The following TRAK1 variants were observed in gnomAD, a reference collection of about 807,000 sequenced individuals.
TRAK1 encodes trafficking kinesin protein 1, also known as trafficking kinesin-binding protein 1.
A neutral mutation model predicts 92.1 loss-of-function variants in TRAK1; 33 were observed. The observed-to-expected ratio is 0.36, with a 90% CI of 0.27 to 0.48. The LOEUF (loss-of-function observed/expected upper bound fraction) is 0.48. Among genes scored for constraint, TRAK1 ranks in the 20% least tolerant of loss-of-function variants. The pLI, the probability that TRAK1 is intolerant of heterozygous loss-of-function variation, is 0.99. For missense variants in TRAK1, 1,123 were observed against 1,257.9 expected (o/e 0.89, Z 1.62); for synonymous variants, 521 against 517.3 (o/e 1.01, Z -0.10).
intron 1 of TRAK1, among the ~76,000 whole-genome samples, chr3:42,071,420 A>G (rs760722506): frequency 2.4e-4 from 37 of 151,700 alleles, no homozygotes; most frequent in Admixed American, 1.1e-3. Context: ...ATAGATACCC[A>G]CTCTTGGTAG....
rs1282135962 is a variant in TRAK1 at position 42,184,777 on chromosome 3, G to A, written c.456G>A (p.Glu152=). The A allele has an allele frequency of 6.2e-7, 1 of 1,613,978 alleles. No individual in the cohort carries two copies. The highest frequency in any genetic ancestry group is 1.1e-5 in the South Asian group (1 of 91,060). Residue 152 remains glutamate, a synonymous_variant, in exon 4 of 16, where the codon GAG becomes GAA. Transcript: ENST00000327628. ...TLTERNELLE[E]QVEHIREEVS... Reference sequence around the variant, plus strand: ...CCGAGAGGAACGAGCTGCTGGAGGAGCAGGTGGAACACATCAGGGAGGAGG... The same window carrying A: ...CCGAGAGGAACGAGCTGCTGGAGGAACAGGTGGAACACATCAGGGAGGAGG...
At chr3:42,210,285 C>T in intron 14 of TRAK1, 1 of 1,516,014 alleles carries the variant, frequency 6.6e-7, no homozygotes, top group Non-Finnish European at 8.8e-7. Context: ...TTGCACAGTT[C>T]TGTTTTTAAA....
At chr3:42,057,011 A>G (rs1032361949) in intron 1 of TRAK1, among the ~76,000 whole-genome samples, 3 of 152,328 alleles carry the variant, frequency 2.0e-5, no homozygotes, top group East Asian at 1.9e-4. Flanking sequence ...CACAGCTGCC[A>G]TGAATAGAAC....
chr3:42,120,602 G>C (rs1709720362), intron 1 of TRAK1, among the ~76,000 whole-genome samples: 1 of 152,034 alleles, frequency 6.6e-6, no homozygotes, highest in Admixed American at 6.5e-5. Flanking sequence ...GAGTGCAGTG[G>C]TGTGATCTCA....
At chr3:42,164,937 T>A (rs1327380951) in intron 2 of TRAK1, among the ~76,000 whole-genome samples, 1 of 152,218 alleles carries the variant, frequency 6.6e-6, no homozygotes, top group African/African-American at 2.4e-5. Context: ...GTCACTTCCT[T>A]GTGGCCTATT....
intron 1 of TRAK1, among the ~76,000 whole-genome samples, chr3:42,069,612 C>G (rs1012065486): frequency 6.6e-6 from 1 of 152,124 alleles, no homozygotes; most frequent in Non-Finnish European, 1.5e-5. Context: ...AATTTTCCCA[C>G]TTAATCTATC....
At chr3:42,174,136 C>T (rs896084822) in intron 2 of TRAK1, among the ~76,000 whole-genome samples, 18 of 152,186 alleles carry the variant, frequency 1.2e-4, no homozygotes, top group African/African-American at 4.3e-4. Context: ...AAGCAATTCT[C>T]CTGCCTCAGC....
intron 1 of TRAK1, among the ~76,000 whole-genome samples, chr3:42,124,493 G>A (rs549806580): frequency 1.3e-5 from 2 of 152,328 alleles, no homozygotes; most frequent in South Asian, 4.1e-4. Flanking sequence ...GGTTATGTTT[G>A]CCATGTTGTC....
intron 14 of TRAK1, among the ~76,000 whole-genome samples, chr3:42,214,303 GCT>G (rs1163873396): frequency 6.6e-6 from 1 of 152,206 alleles, no homozygotes; most frequent in Non-Finnish European, 1.5e-5. Context: ...CAGGTGAAGT[GCT>G]CTCTTGTGCT....
chr3:42,148,914 C>G (rs767384458), intron 2 of TRAK1, among the ~76,000 whole-genome samples: 3 of 152,122 alleles, frequency 2.0e-5, no homozygotes, highest in African/African-American at 7.2e-5. Flanking sequence ...AGTCTTCTTT[C>G]TATCGTGACC....
chr3:42,164,031 G>A (rs1701588094), intron 2 of TRAK1, among the ~76,000 whole-genome samples: 1 of 152,200 alleles, frequency 6.6e-6, no homozygotes, highest in South Asian at 2.1e-4. Context: ...CAGAAAGATA[G>A]CAACTTAGAA....
intron 1 of TRAK1, among the ~76,000 whole-genome samples, chr3:42,073,721 T>G (rs895242549): frequency 6.6e-6 from 1 of 152,224 alleles, no homozygotes; most frequent in Admixed American, 6.5e-5. Context: ...CCTGTTCAAC[T>G]TTTACATGAT....
chr3:42,154,631 A>G (rs565352790), intron 2 of TRAK1, among the ~76,000 whole-genome samples: 3 of 151,908 alleles, frequency 2.0e-5, no homozygotes, highest in South Asian at 2.1e-4. Flanking sequence ...GGGTCTCACT[A>G]TGTTGCCCAA....
At chr3:42,090,390 C>T (rs769918246), upstream of TRAK1, among the ~76,000 whole-genome samples, 7 of 152,132 alleles carry the variant, frequency 4.6e-5, no homozygotes, top group Admixed American at 1.3e-4. Flanking sequence ...CAGAATGTAC[C>T]GCTGAAACTT....
intron 2 of TRAK1, chr3:42,149,691 G>A: frequency 6.7e-7 from 1 of 1,489,878 alleles, no homozygotes; most frequent in Middle Eastern, 1.8e-4. Context: ...AGGGGAGACA[G>A]GCGGCTGGCG....
At chr3:42,040,470 GTTCTGTGAGGTGAAGGTACAACTTTA>G (rs1702489171) in intron 1 of TRAK1, among the ~76,000 whole-genome samples, 1 of 152,140 alleles carries the variant, frequency 6.6e-6, no homozygotes, top group Non-Finnish European at 1.5e-5. Flanking sequence ...GTCCAACTTT[GTTCTGTGAGGTGAAGGTACAACTTTA>G]TTGTTTTACA....
intron 14 of TRAK1, chr3:42,211,836 C>T: frequency 3.0e-6 from 3 of 985,396 alleles, no homozygotes; most frequent in Non-Finnish European, 3.6e-6. Context: ...GCAAATTCAT[C>T]CTAGCAACGT....
Position 42,027,120 on chromosome 3 carries a change from AAATT to A in TRAK1, c.-519+13009_-519+13012del, listed in dbSNP as rs1402185838. Among the ~76,000 whole-genome samples the A allele has an allele frequency of 2.0e-5, 3 of 152,224 alleles. No individual in the cohort carries two copies. In the East Asian group the frequency reaches 5.8e-4, roughly 29 times the overall value. On this transcript the variant is annotated intron_variant, in intron 1 of 16. Transcript: ENST00000487159. ...TACACTAATTTTATAGCTAAGCACAAAATTAATTACCCCATCATTTTTATTTCAA... is the reference window on the plus strand; with the variant it reads ...TACACTAATTTTATAGCTAAGCACAAAATTACCCCATCATTTTTATTTCAA...
rs756604634 is a variant in TRAK1, at chr3:42,210,295, A to G, written c.1963+310A>G. ...TCTCATTGCACAGTTCTGTTTTTAA[A>G]TACAGAGTCTGATGCCTCCTATTTG... On this transcript the variant is annotated intron_variant, in intron 14 of 15. Coordinates refer to ENST00000327628, the MANE Select transcript of TRAK1 (RefSeq NM_001042646.3). 9 of 1,513,978 alleles carry G rather than the reference A, an allele frequency of 5.9e-6. No homozygotes were observed. The South Asian group carries it at 1.2e-4, about 21-fold the overall frequency. The allele number at this position is 1,513,978 out of a possible 1,614,324, so 93.8% of individuals were successfully genotyped here. A position where few individuals can be genotyped will look rare whatever the true frequency, so the allele number is the denominator to read the frequency against.
Sources: gnomAD v4.1 joint callset for allele counts (sites outside exome capture counted in the v4.1 genomes callset) on GRCh38, gnomAD v4.1.1 for gene constraint, MANE v1.5 for transcripts, NCBI Gene and HGNC (gene_info 2026-07-23, HGNC 2026-07-21) for gene names.